The following PSD3 variants were observed in gnomAD, a reference collection of about 807,000 sequenced individuals.
PSD3 encodes the protein PH and SEC7 domain-containing protein 3.
In PSD3, 49 loss-of-function variants were observed where a neutral mutation model predicts 105.5. The observed-to-expected ratio is 0.46, with a 90% CI of 0.37 to 0.59. PSD3 has a LOEUF of 0.59. Among genes scored for constraint, PSD3 ranks in the 20% least tolerant of loss-of-function variants. PSD3 has a pLI of 0.00. For missense variants in PSD3, 1,561 were observed against 1,263.8 expected, an observed-to-expected ratio of 1.24 and a Z score of -3.57; for synonymous variants, 557 against 457.8, an observed-to-expected ratio of 1.22 and a Z score of -2.77.
chr8:18,619,252 C>T (rs191940206), intron 11 of PSD3, among the ~76,000 whole-genome samples: 1 of 152,098 alleles, frequency 6.6e-6, no homozygotes, highest in South Asian at 2.1e-4. Context: ...ACTTCCTTTT[C>T]AAGTTCAGGC....
intron 10 of PSD3, among the ~76,000 whole-genome samples, chr8:18,652,937 T>C (rs1585510865): frequency 6.6e-6 from 1 of 152,186 alleles, no homozygotes; most frequent in Non-Finnish European, 1.5e-5. Flanking sequence ...ATTTAATAAA[T>C]TGGGGTATTG....
chr8:18,581,035 C>G (rs1802780020), intron 12 of PSD3, among the ~76,000 whole-genome samples: 1 of 152,146 alleles, frequency 6.6e-6, no homozygotes, highest in Non-Finnish European at 1.5e-5. Context: ...GGGACAGACA[C>G]AAAGCCCATG....
intron 1 of PSD3, among the ~76,000 whole-genome samples, chr8:18,963,577 T>C (rs189308701): frequency 1.7e-3 from 262 of 152,340 alleles, no homozygotes; most frequent in African/African-American, 6.1e-3. Context: ...ACCACCACAG[T>C]GTTTAAAAAT....
chr8:18,847,537 C>T (rs17468166), intron 4 of PSD3, among the ~76,000 whole-genome samples: 67,624 of 152,050 alleles, frequency 0.44, 15,569 homozygotes, highest in Admixed American at 0.52. Context: ...TTTGAATAAA[C>T]GATCCTAACT....
intron 2 of PSD3, among the ~76,000 whole-genome samples, chr8:18,922,246 C>G (rs1174365410): frequency 1.3e-5 from 2 of 152,166 alleles, no homozygotes; most frequent in African/African-American, 4.8e-5. Context: ...CTAACACGTC[C>G]TAACGGAACC....
At chr8:18,987,384 C>T (rs1586582518) in intron 1 of PSD3, among the ~76,000 whole-genome samples, 2 of 151,876 alleles carry the variant, frequency 1.3e-5, no homozygotes, top group South Asian at 2.1e-4. Context: ...GCCTTCCAGG[C>T]TCACGCCATT....
chr8:18,657,695 G>A (rs1405860374), intron 9 of PSD3, among the ~76,000 whole-genome samples: 9 of 152,292 alleles, frequency 5.9e-5, no homozygotes, highest in South Asian at 2.1e-4. Context: ...GAGGGCTTTC[G>A]TTGGATAAAC....
At chr8:18,677,731 A>G (rs908329462) in intron 9 of PSD3, among the ~76,000 whole-genome samples, 1 of 152,160 alleles carries the variant, frequency 6.6e-6, no homozygotes, top group Non-Finnish European at 1.5e-5. Flanking sequence ...GAACATGTTG[A>G]CTGGGCACGG....
intron 9 of PSD3, among the ~76,000 whole-genome samples, chr8:18,750,474 GGTGA>G (rs1805384169): frequency 6.6e-6 from 1 of 152,108 alleles, no homozygotes; most frequent in Non-Finnish European, 1.5e-5. Flanking sequence ...AGATCTTCGC[GGTGA>G]GTGTTACAAC....
chr8:18,824,078 C>T (rs940850850), intron 4 of PSD3, among the ~76,000 whole-genome samples: 3 of 152,148 alleles, frequency 2.0e-5, no homozygotes, highest in Non-Finnish European at 2.9e-5. Flanking sequence ...GAGGCTGAGG[C>T]GGGAAGAGCA....
intron 9 of PSD3, among the ~76,000 whole-genome samples, chr8:18,728,428 G>A (rs1803488260): frequency 6.6e-6 from 1 of 152,224 alleles, no homozygotes; most frequent in South Asian, 2.1e-4. Context: ...AGGCTTCTCA[G>A]AGGAAGGGAC....
Position 18,558,418 on chromosome 8 carries a change from T to C in PSD3, c.2785-2066A>G, listed in dbSNP as rs1012690824. On this transcript the variant is annotated intron_variant, in intron 14 of 15. Coordinates refer to ENST00000327040, the MANE Select transcript of PSD3 (RefSeq NM_015310.4). ...ATGAAAAACACCCATGAATCTAACA[T>C]AGGAATTTAAGAAATAAAATATAAA... Among the ~76,000 whole-genome samples the C allele has an allele frequency of 5.9e-5, 9 of 152,188 alleles. No homozygotes were observed. The South Asian group carries it at 8.3e-4, about 14-fold the overall frequency.
intron 15 of PSD3, among the ~76,000 whole-genome samples, chr8:18,555,978 G>A (rs1477215436): frequency 2.0e-5 from 3 of 152,094 alleles, no homozygotes; most frequent in African/African-American, 7.2e-5. Context: ...AACCAGGCAG[G>A]CTATTTACTT....
At chr8:18,746,929 G>C (rs1018357698) in intron 9 of PSD3, among the ~76,000 whole-genome samples, 9 of 152,230 alleles carry the variant, frequency 5.9e-5, no homozygotes, top group Admixed American at 3.3e-4. Context: ...AGGACTGAAA[G>C]AAATGCCCTT....
intron 2 of PSD3, among the ~76,000 whole-genome samples, chr8:18,915,297 G>T (rs1216570252): frequency 2.0e-5 from 3 of 152,072 alleles, no homozygotes; most frequent in Non-Finnish European, 2.9e-5. Context: ...TGATTTTTTG[G>T]TATATAACAC....
chr8:18,699,905 T>C (rs942566471), intron 9 of PSD3, among the ~76,000 whole-genome samples: 4 of 151,472 alleles, frequency 2.6e-5, no homozygotes, highest in Non-Finnish European at 4.4e-5. Flanking sequence ...CAGATTCCGC[T>C]CCTATATTTT....
intron 8 of PSD3, among the ~76,000 whole-genome samples, chr8:18,770,761 T>A (rs1460733062): frequency 6.6e-6 from 1 of 152,230 alleles, no homozygotes; most frequent in African/African-American, 2.4e-5. Context: ...AACAGCTCAG[T>A]GGATCCTCTG....
intron 4 of PSD3, among the ~76,000 whole-genome samples, chr8:18,844,617 G>C (rs752411705): frequency 3.3e-5 from 5 of 152,028 alleles, no homozygotes; most frequent in East Asian, 1.9e-4. Flanking sequence ...AATCAGACTA[G>C]AACATACTGG....
chr8:18,768,591 T>C (rs1807230072), intron 8 of PSD3, among the ~76,000 whole-genome samples: 1 of 152,134 alleles, frequency 6.6e-6, no homozygotes, highest in South Asian at 2.1e-4. Flanking sequence ...AGGAAGACTT[T>C]CAAGAAGACG....
Sources: gnomAD v4.1 joint callset for allele counts (sites outside exome capture counted in the v4.1 genomes callset) on GRCh38, gnomAD v4.1.1 for gene constraint, MANE v1.5 for transcripts, NCBI Gene and HGNC (gene_info 2026-07-23, HGNC 2026-07-21) for gene names.